Variants in MAN2A1 observed in about 807,000 individuals in gnomAD.
The protein encoded by MAN2A1 is mannosidase alpha class 2A member 1, also known as alpha-mannosidase 2.
Under a neutral mutation model 142.6 loss-of-function variants are expected in MAN2A1, and 76 were observed. That is an observed-to-expected ratio of 0.53 (90% CI 0.44 to 0.65). The LOEUF is 0.65. Among genes scored for constraint, MAN2A1 ranks in the 30% least tolerant of loss-of-function variants. MAN2A1 has a pLI of 0.00. For missense variants in MAN2A1, 1,311 were observed against 1,365.1 expected, an observed-to-expected ratio of 0.96 and a Z score of 0.62; for synonymous variants, 559 against 473.2, an observed-to-expected ratio of 1.18 and a Z score of -2.35.
In MAN2A1 at chr5:109,781,431, G is replaced by A. The variant is rs368182406; in HGVS notation, c.1410G>A (p.Ala470=). The A allele has an allele frequency of 2.9e-5, 46 of 1,606,612 alleles. No homozygotes were observed. The highest frequency in any genetic ancestry group is 2.4e-4 in the African/African-American group (18 of 74,470). ...QFGTLSDFFD[A]LDKADETQRD... is the part of the protein sequence containing the mutation. Reference sequence around the variant, plus strand: ...GAACTTTATCAGATTTTTTTGATGCGCTGGATAAAGCAGATGAAACTCAGA... The same window carrying A: ...GAACTTTATCAGATTTTTTTGATGCACTGGATAAAGCAGATGAAACTCAGA... The change falls in exon 9 of 22, where the codon GCG becomes GCA. Residue 470 remains alanine (A), a synonymous_variant. Transcript: ENST00000261483.
chr5:109,759,068 T>G (rs1752768571), intron 5 of MAN2A1, among the ~76,000 whole-genome samples: 1 of 152,060 alleles, frequency 6.6e-6, no homozygotes, highest in Non-Finnish European at 1.5e-5. Context: ...CCATGTGAAT[T>G]TTAGGCCAGT....
chr5:109,816,056 A>G (rs1234623283), intron 12 of MAN2A1, among the ~76,000 whole-genome samples: 1 of 152,222 alleles, frequency 6.6e-6, no homozygotes, highest in Non-Finnish European at 1.5e-5. Flanking sequence ...GAAGTCTGCA[A>G]TGTGATGGTC....
chr5:109,859,800 A>G (rs955499213), intron 20 of MAN2A1, among the ~76,000 whole-genome samples: 4 of 151,842 alleles, frequency 2.6e-5, no homozygotes, highest in African/African-American at 9.7e-5. Context: ...AGAGGGACAA[A>G]GAGGAAGCTG....
rs190216114 is a variant in MAN2A1 at position 109,724,983 on chromosome 5, C to T, written c.536-4359C>T. The stretch of plus-strand genomic sequence containing the variant: ...TGTACTTTTTTCCTAGTCCTTTTGG[C>T]TATACCTTTCATTCATCTTATTAAG... On this transcript the variant is annotated intron_variant, in intron 3 of 21. Transcript: ENST00000261483. 4.6e-4 allele frequency among the ~76,000 whole-genome samples: 70 copies of T among 152,054 alleles called. 1 individual carries two copies. The East Asian group carries it at 0.01, about 23-fold the overall frequency.
intron 1 of MAN2A1, among the ~76,000 whole-genome samples, chr5:109,705,891 C>G (rs1751117073): frequency 6.6e-6 from 1 of 152,214 alleles, no homozygotes; most frequent in Non-Finnish European, 1.5e-5. Flanking sequence ...CCTCTCTGGC[C>G]TGACTCTTCC....
chr5:109,775,290 T>C (rs772004239), intron 8 of MAN2A1, among the ~76,000 whole-genome samples: 1 of 152,154 alleles, frequency 6.6e-6, no homozygotes, highest in Non-Finnish European at 1.5e-5. Flanking sequence ...TTTTGTTTTT[T>C]TACCAACATT....
intron 12 of MAN2A1, among the ~76,000 whole-genome samples, chr5:109,799,968 A>G (rs1435906750): frequency 6.6e-6 from 1 of 151,694 alleles, no homozygotes; most frequent in Non-Finnish European, 1.5e-5. Flanking sequence ...TGCACCTGTA[A>G]TCCCTGCTAC....
At chr5:109,795,878 A>G (rs781242174) in intron 12 of MAN2A1, among the ~76,000 whole-genome samples, 4 of 152,190 alleles carry the variant, frequency 2.6e-5, no homozygotes, top group African/African-American at 4.8e-5. Context: ...TTGACCAAGT[A>G]GATCAACTGA....
At chr5:109,730,895 TTAGTCCATCCTTTTC>T (rs1751886449) in intron 4 of MAN2A1, among the ~76,000 whole-genome samples, 1 of 152,200 alleles carries the variant, frequency 6.6e-6, no homozygotes, top group Non-Finnish European at 1.5e-5. Flanking sequence ...TAAGATTGAA[TTAGTCCATCCTTTTC>T]TAGTGATTTG....
intron 8 of MAN2A1, among the ~76,000 whole-genome samples, chr5:109,776,706 G>C (rs1437317798): frequency 2.6e-5 from 4 of 152,220 alleles, no homozygotes; most frequent in African/African-American, 9.6e-5. Flanking sequence ...CCATCATCCA[G>C]ATTAAGGCTT....
At chr5:109,727,887 G>T (rs567675572) in intron 3 of MAN2A1, among the ~76,000 whole-genome samples, 5 of 152,132 alleles carry the variant, frequency 3.3e-5, no homozygotes, top group African/African-American at 1.2e-4. Flanking sequence ...GTGAAGCTAG[G>T]TGGGATTCTT....
intron 16 of MAN2A1, among the ~76,000 whole-genome samples, chr5:109,828,577 T>A (rs1465662755): frequency 6.6e-6 from 1 of 152,222 alleles, no homozygotes; most frequent in Non-Finnish European, 1.5e-5. Flanking sequence ...AAGAATTAGG[T>A]CACTGTGGGT....
intron 7 of MAN2A1, among the ~76,000 whole-genome samples, chr5:109,773,855 A>G (rs1278509938): frequency 6.6e-6 from 1 of 152,170 alleles, no homozygotes; most frequent in African/African-American, 2.4e-5. Context: ...TGATCCTTGA[A>G]GTGAAAATTA....
chr5:109,821,545 T>G (rs1428907040), intron 15 of MAN2A1, among the ~76,000 whole-genome samples: 2 of 152,168 alleles, frequency 1.3e-5, no homozygotes, highest in Non-Finnish European at 2.9e-5. Flanking sequence ...CCCACCAGCA[T>G]TTTTTGAGAT....
intron 12 of MAN2A1, among the ~76,000 whole-genome samples, chr5:109,799,784 C>T (rs1470277871): frequency 6.7e-6 from 1 of 149,274 alleles, no homozygotes; most frequent in Non-Finnish European, 1.5e-5. Flanking sequence ...AGAACCAAAT[C>T]ACAACAAAAA....
intron 16 of MAN2A1, among the ~76,000 whole-genome samples, chr5:109,827,556 C>G (rs1185079766): frequency 2.0e-5 from 3 of 152,148 alleles, no homozygotes; most frequent in Admixed American, 2.0e-4. Context: ...ATAGTTCAAC[C>G]TACTTTTGTT....
intron 4 of MAN2A1, among the ~76,000 whole-genome samples, chr5:109,746,693 A>G (rs1270980731): frequency 1.3e-5 from 2 of 151,742 alleles, no homozygotes; most frequent in Non-Finnish European, 2.9e-5. Context: ...ATCATTGTGC[A>G]GCTGTTACTA....
In MAN2A1 at chr5:109,865,705, A is replaced by C. The variant is rs77200548; in HGVS notation, c.3282+559A>C. Among the ~76,000 whole-genome samples, 1,347 of 152,368 alleles carry C rather than the reference A, an allele frequency of 8.8e-3. 27 individuals are homozygous for C. Among genetic ancestry groups the C allele is most frequent in the African/African-American group, 0.031 (1,285 of 41,590 alleles). ...GGTCTTCTGATTAATGCAGATTTGC[A>C]TATGAGTCAACACACCGTGCAGGCC... On this transcript the variant is annotated intron_variant, in intron 21 of 21. Coordinates refer to ENST00000261483, the MANE Select transcript of MAN2A1 (RefSeq NM_002372.4).
intron 2 of MAN2A1, among the ~76,000 whole-genome samples, chr5:109,715,006 A>AC (rs1223867964): frequency 1.1e-4 from 16 of 151,900 alleles, no homozygotes; most frequent in Admixed American, 5.9e-4. Flanking sequence ...AAAAAAAAAA[A>AC]ATTATTTTTG....
Sources: allele counts gnomAD v4.1 joint callset (sites outside exome capture counted in the v4.1 genomes callset), GRCh38; gene constraint gnomAD v4.1.1; transcripts MANE v1.5; gene names NCBI Gene and HGNC (gene_info 2026-07-23, HGNC 2026-07-21).